XKR6: variants seen among roughly 807,000 people sequenced by gnomAD.
The protein encoded by XKR6 is XK related 6, also known as XK-related protein 6.
Under a neutral mutation model 56.7 loss-of-function variants are expected in XKR6, and 22 were observed. The observed-to-expected ratio is 0.39, with a 90% CI of 0.28 to 0.55. The LOEUF (loss-of-function observed/expected upper bound fraction) is 0.55, where lower values mean the gene tolerates loss of function less well. XKR6 is among the 20% of genes least tolerant of loss of function. The pLI is 0.66. For synonymous variants in XKR6, 524 were observed against 387.8 expected, an observed-to-expected ratio of 1.35 and a Z score of -4.13; for missense variants, 852 against 889.0, an observed-to-expected ratio of 0.96 and a Z score of 0.53.
intron 1 of XKR6, among the ~76,000 whole-genome samples, chr8:10,952,505 G>C (rs1039570397): frequency 2.0e-5 from 3 of 152,310 alleles, no homozygotes; most frequent in Middle Eastern, 3.4e-3. Flanking sequence ...CCTGGCTGAA[G>C]TGCAGGGGCA....
chr8:10,904,474 C>A (rs1425685680), intron 2 of XKR6, among the ~76,000 whole-genome samples: 1 of 152,194 alleles, frequency 6.6e-6, no homozygotes, highest in Admixed American at 6.5e-5. Context: ...GGGTCATAGC[C>A]AGTTGGGGAA....
At chr8:11,180,793 G>A (rs973374571) in intron 1 of XKR6, among the ~76,000 whole-genome samples, 1 of 152,148 alleles carries the variant, frequency 6.6e-6, no homozygotes, top group African/African-American at 2.4e-5. Context: ...TGTAGTCCCA[G>A]CTTCTCGGGA....
chr8:10,989,811 G>A (rs890973392), intron 1 of XKR6, among the ~76,000 whole-genome samples: 5 of 152,216 alleles, frequency 3.3e-5, no homozygotes, highest in African/African-American at 9.6e-5. Context: ...CTATTAGGAA[G>A]AAGTGCCACC....
intron 1 of XKR6, among the ~76,000 whole-genome samples, chr8:11,061,467 A>G (rs1586492360): frequency 3.7e-5 from 1 of 26,776 alleles, no homozygotes; most frequent in Non-Finnish European, 7.8e-5. Flanking sequence ...ACCCTGTCTC[A>G]AAAAAAAAAA....
intron 1 of XKR6, among the ~76,000 whole-genome samples, chr8:10,956,337 G>T (rs936947204): frequency 6.6e-6 from 1 of 152,184 alleles, no homozygotes; most frequent in Non-Finnish European, 1.5e-5. Flanking sequence ...GGGATGTGGT[G>T]GGGGTGGACA....
chr8:11,119,668 C>T (rs527683361), intron 1 of XKR6, among the ~76,000 whole-genome samples: 1 of 152,194 alleles, frequency 6.6e-6, no homozygotes, highest in South Asian at 2.1e-4. Context: ...GGTAGATCTT[C>T]CTCCATCCCT....
chr8:10,948,955 C>A lies in XKR6; in HGVS notation c.765-24125G>T, dbSNP rs143722098. On this transcript the variant is annotated intron_variant, in intron 1 of 2. Coordinates refer to ENST00000416569, the MANE Select transcript of XKR6 (RefSeq NM_173683.4). The stretch of plus-strand genomic sequence containing the variant: ...TCTTCAGGTGATCGTCAATTCCCAG[C>A]CCTGCCCTGGGCGGTGCAGCCTCTC... Among the ~76,000 whole-genome samples the A allele has an allele frequency of 1.6e-3, 251 of 152,362 alleles. 3 individuals carry two copies. Among genetic ancestry groups the A allele is most frequent in the Middle Eastern group, 3.4e-3 (1 of 294 alleles).
intron 1 of XKR6, among the ~76,000 whole-genome samples, chr8:11,176,446 G>C (rs1182472643): frequency 6.6e-6 from 1 of 151,948 alleles, no homozygotes; most frequent in Non-Finnish European, 1.5e-5. Context: ...ACCAATACTT[G>C]GGAAAAAATG....
chr8:11,143,465 A>T (rs534777775), intron 1 of XKR6, among the ~76,000 whole-genome samples: 2 of 152,368 alleles, frequency 1.3e-5, no homozygotes, highest in East Asian at 3.9e-4. Flanking sequence ...GGACAGAGGA[A>T]TATGTTGAAT....
At chr8:10,947,024 G>A (rs1355579582) in intron 1 of XKR6, among the ~76,000 whole-genome samples, 2 of 152,118 alleles carry the variant, frequency 1.3e-5, no homozygotes, top group Admixed American at 1.3e-4. Flanking sequence ...GGCCTTGGGA[G>A]CACAGATGCA....
At chr8:11,182,158 G>A (rs1328647882) in intron 1 of XKR6, among the ~76,000 whole-genome samples, 2 of 152,196 alleles carry the variant, frequency 1.3e-5, no homozygotes, top group Non-Finnish European at 2.9e-5. Context: ...AAGTTAACTG[G>A]TCCATGGCAG....
intron 1 of XKR6, 149 bp from the exon 2 acceptor site, chr8:10,924,979 G>C: frequency 1.2e-6 from 1 of 843,212 alleles, no homozygotes; most frequent in Non-Finnish European, 1.8e-6. Context: ...GGGCTCTGGG[G>C]GGCTCCCGGC....
At chr8:10,965,765 A>T (rs1445046117) in intron 1 of XKR6, among the ~76,000 whole-genome samples, 3 of 152,226 alleles carry the variant, frequency 2.0e-5, no homozygotes, top group Non-Finnish European at 4.4e-5. Flanking sequence ...CGCACAAAAT[A>T]CGAAAGTGAG....
chr8:11,174,941 T>C (rs1239089285), intron 1 of XKR6: 1 of 152,228 alleles, frequency 6.6e-6, no homozygotes, highest in African/African-American at 2.4e-5. Context: ...TCCCTTTTCC[T>C]CTTTCTAGGA....
intron 1 of XKR6, among the ~76,000 whole-genome samples, chr8:11,100,080 C>T (rs1329464849): frequency 6.6e-6 from 1 of 152,154 alleles, no homozygotes; most frequent in African/African-American, 2.4e-5. Flanking sequence ...GAGGCAGGGT[C>T]TAACTCTGTC....
chr8:11,173,288 G>A (rs1027893064), intron 1 of XKR6, among the ~76,000 whole-genome samples: 1 of 151,492 alleles, frequency 6.6e-6, no homozygotes, highest in African/African-American at 2.4e-5. Context: ...AGCTTGCAGT[G>A]AGCTGAGATC....
intron 1 of XKR6, among the ~76,000 whole-genome samples, chr8:11,026,740 G>C (rs1192874807): frequency 4.6e-5 from 7 of 151,014 alleles, no homozygotes; most frequent in African/African-American, 1.7e-4. Context: ...TACACACTTA[G>C]ATGGTCTAGC....
chr8:11,098,117 G>T (rs1425316812), intron 1 of XKR6, among the ~76,000 whole-genome samples: 2 of 151,998 alleles, frequency 1.3e-5, no homozygotes, highest in Non-Finnish European at 2.9e-5. Context: ...CACTGGCTTC[G>T]ACTTCCGGCT....
At chr8:11,102,312 T>C (rs991277839) in intron 1 of XKR6, among the ~76,000 whole-genome samples, 7 of 152,198 alleles carry the variant, frequency 4.6e-5, no homozygotes, top group African/African-American at 1.4e-4. Context: ...GCTGCTAGAA[T>C]GGCAACTCCA....
Sources: allele counts gnomAD v4.1 joint callset (sites outside exome capture counted in the v4.1 genomes callset), GRCh38; gene constraint gnomAD v4.1.1; transcripts MANE v1.5; gene names NCBI Gene and HGNC (gene_info 2026-07-23, HGNC 2026-07-21).